Variants in PLGRKT observed in about 807,000 individuals in gnomAD.
PLGRKT encodes plasminogen receptor (KT).
Under a neutral mutation model 18.5 loss-of-function variants are expected in PLGRKT, and 22 were observed. That is an observed-to-expected ratio of 1.19 (90% CI 0.85 to 1.70). The LOEUF is 1.70. Ranked by LOEUF, PLGRKT falls within the 40% of genes most tolerant of loss-of-function variation. The pLI, the probability that PLGRKT is intolerant of heterozygous loss-of-function variation, is 0.00. For synonymous variants in PLGRKT, 72 were observed against 52.8 expected, an observed-to-expected ratio of 1.36 and a Z score of -1.58; for missense variants, 235 against 174.4, an observed-to-expected ratio of 1.35 and a Z score of -1.96.
At chr9:5,420,760 C>G (rs1006408910) in intron 3 of PLGRKT, among the ~76,000 whole-genome samples, 21 of 152,284 alleles carry the variant, frequency 1.4e-4, no homozygotes, top group East Asian at 1.2e-3. Context: ...CACCAAAAGC[C>G]TCTCTAAAAG....
At chr9:5,370,762 T>C (rs1817498568) in intron 3 of PLGRKT, among the ~76,000 whole-genome samples, 1 of 152,220 alleles carries the variant, frequency 6.6e-6, no homozygotes, top group South Asian at 2.1e-4. Context: ...AGAAAATCGA[T>C]GTTTCAGGTA....
chr9:5,370,992 C>T (rs1156937850), intron 3 of PLGRKT, among the ~76,000 whole-genome samples: 1 of 152,112 alleles, frequency 6.6e-6, no homozygotes, highest in Non-Finnish European at 1.5e-5. Context: ...TGAATACTAA[C>T]CAAGTTGTAG....
chr9:5,410,409 T>C (rs113453540), intron 3 of PLGRKT, among the ~76,000 whole-genome samples: 1,827 of 151,540 alleles, frequency 0.012, 31 homozygotes, highest in African/African-American at 0.043. Flanking sequence ...ACATGCTCAC[T>C]TGAACCCAGG....
chr9:5,408,418 C>A (rs948810461), intron 3 of PLGRKT, among the ~76,000 whole-genome samples: 7 of 152,182 alleles, frequency 4.6e-5, no homozygotes, highest in African/African-American at 1.7e-4. Context: ...TGCGCAACTT[C>A]GAGCTTGAGA....
At chr9:5,411,108 T>C (rs898540675) in intron 3 of PLGRKT, among the ~76,000 whole-genome samples, 1 of 151,852 alleles carries the variant, frequency 6.6e-6, no homozygotes, top group African/African-American at 2.4e-5. Context: ...AACAGGCCAG[T>C]TGCGGTGACT....
intron 3 of PLGRKT, among the ~76,000 whole-genome samples, chr9:5,404,957 A>C (rs536445757): frequency 1.3e-5 from 2 of 152,286 alleles, no homozygotes; most frequent in African/African-American, 4.8e-5. Context: ...AATGTGCAGA[A>C]ATCACAAGCA....
intron 3 of PLGRKT, among the ~76,000 whole-genome samples, chr9:5,412,290 G>C (rs1346143882): frequency 1.3e-5 from 2 of 152,190 alleles, no homozygotes; most frequent in African/African-American, 4.8e-5. Flanking sequence ...TATCATATAT[G>C]AGAATAAACC....
In PLGRKT at chr9:5,376,158, C is replaced by A. The variant is rs143130785; in HGVS notation, c.82-14270G>T. On this transcript the variant is annotated intron_variant, in intron 3 of 5. Coordinates refer to ENST00000223864, the MANE Select transcript of PLGRKT (RefSeq NM_018465.4). Reference sequence around the variant, plus strand: ...GAGTAGTCAAATTAATAGAGAGAGACAGAAAGGAGAATGGTGGTTGCCAGG... The same window carrying A: ...GAGTAGTCAAATTAATAGAGAGAGAAAGAAAGGAGAATGGTGGTTGCCAGG... Among the ~76,000 whole-genome samples, 20 of 152,128 alleles carry A rather than the reference C, an allele frequency of 1.3e-4. No individual in the cohort carries two copies. The East Asian group carries it at 3.7e-3, about 28-fold the overall frequency.
At chr9:5,431,861 G>C in intron 3 of PLGRKT, 36 bp downstream of exon 3, 1 of 1,003,724 alleles carries the variant, frequency 1.0e-6, no homozygotes, top group Non-Finnish European at 1.6e-6. Context: ...TTTAAGCATT[G>C]TAACAACATA....
chr9:5,391,328 T>C (rs563091115), intron 3 of PLGRKT, among the ~76,000 whole-genome samples: 1 of 152,112 alleles, frequency 6.6e-6, no homozygotes, highest in Admixed American at 6.5e-5. Context: ...CTTGAAAACA[T>C]TGCCGGGGAA....
chr9:5,370,652 A>C (rs1817496109), intron 3 of PLGRKT, among the ~76,000 whole-genome samples: 1 of 152,176 alleles, frequency 6.6e-6, no homozygotes, highest in African/African-American at 2.4e-5. Flanking sequence ...GGTCATGTAG[A>C]CCTGTTTTTG....
intron 3 of PLGRKT, among the ~76,000 whole-genome samples, chr9:5,397,687 CA>C (rs1469136082): frequency 6.6e-6 from 1 of 151,780 alleles, no homozygotes; most frequent in Non-Finnish European, 1.5e-5. Flanking sequence ...TCTGCCTAAA[CA>C]CATGCACTGT....
At chr9:5,430,266 T>G (rs984960503) in intron 3 of PLGRKT, among the ~76,000 whole-genome samples, 1 of 152,218 alleles carries the variant, frequency 6.6e-6, no homozygotes, top group African/African-American at 2.4e-5. Context: ...AGACCCTGAC[T>G]TCATGGGGAC....
Position 5,363,748 on chromosome 9 carries a change from A to G in PLGRKT, c.82-1860T>C, listed in dbSNP as rs144117452. Among the ~76,000 whole-genome samples the G allele has an allele frequency of 2.0e-3, 300 of 152,314 alleles. 4 individuals are homozygous for G. Among genetic ancestry groups the G allele is most frequent in the African/African-American group, 7.0e-3 (292 of 41,574 alleles). On this transcript the variant is annotated intron_variant, in intron 3 of 5. Coordinates refer to ENST00000223864, the MANE Select transcript of PLGRKT (RefSeq NM_018465.4). ...ACCCAAGCCTAGGTCATACCAGGGA[A>G]AAGATGAACGGAGAAGGGGAGGAGG...
chr9:5,380,072 C>T (rs1817709279), intron 3 of PLGRKT, among the ~76,000 whole-genome samples: 1 of 152,082 alleles, frequency 6.6e-6, no homozygotes, highest in African/African-American at 2.4e-5. Context: ...CAATTTAAAA[C>T]AAAAAGAATA....
intron 4 of PLGRKT, 133 bp downstream of exon 4, chr9:5,361,625 A>C (rs886337606): frequency 1.3e-6 from 1 of 761,204 alleles, no homozygotes; most frequent in African/African-American, 1.8e-5. Flanking sequence ...CCAAGGACTA[A>C]GGTTAATAGG....
intron 3 of PLGRKT, among the ~76,000 whole-genome samples, chr9:5,404,771 T>C (rs1016274613): frequency 6.6e-6 from 1 of 152,174 alleles, no homozygotes; most frequent in Non-Finnish European, 1.5e-5. Context: ...TTGGAAGTCC[T>C]AGCCAGGTCA....
At chr9:5,358,472 C>G (rs1817187812) in intron 5 of PLGRKT, 112 bp from the exon 6 acceptor site, 1 of 789,840 alleles carries the variant, frequency 1.3e-6, no homozygotes, top group African/African-American at 1.7e-5. Context: ...AGCCATGTCC[C>G]CAATCTCACA....
intron 3 of PLGRKT, among the ~76,000 whole-genome samples, chr9:5,397,223 T>A (rs945696551): frequency 2.0e-5 from 3 of 151,860 alleles, no homozygotes; most frequent in Non-Finnish European, 4.4e-5. Context: ...GCTCATGGAC[T>A]TTCTTCCAGG....
Sources: gnomAD v4.1 joint callset for allele counts (sites outside exome capture counted in the v4.1 genomes callset) on GRCh38, gnomAD v4.1.1 for gene constraint, MANE v1.5 for transcripts, NCBI Gene and HGNC (gene_info 2026-07-23, HGNC 2026-07-21) for gene names.